USP6NL: variants seen among roughly 807,000 people sequenced by gnomAD.
The protein encoded by USP6NL is USP6 N-terminal like.
USP6NL carries 26 observed loss-of-function variants against 61.9 expected under a neutral mutation model. The ratio of observed to expected loss-of-function variants is 0.42; its 90% CI spans 0.31 to 0.58. The LOEUF (loss-of-function observed/expected upper bound fraction) is 0.58, where lower values mean the gene tolerates loss of function less well. USP6NL is among the 20% of genes least tolerant of loss of function. The probability of loss-of-function intolerance (pLI) is 0.16; values close to 1 mark genes in which losing one functional copy is unlikely to be tolerated. For missense variants in USP6NL, 1,114 were observed against 1,034.3 expected (o/e 1.08, Z -1.06); for synonymous variants, 432 against 390.1 (o/e 1.11, Z -1.27).
intron 1 of USP6NL, among the ~76,000 whole-genome samples, chr10:11,606,006 G>A (rs929340123): frequency 6.6e-6 from 1 of 152,102 alleles, no homozygotes; most frequent in Non-Finnish European, 1.5e-5. Context: ...TCAAGTCACG[G>A]TATCAAAATG....
chr10:11,604,372 GCTGGT>G (rs1325280703), intron 1 of USP6NL, among the ~76,000 whole-genome samples: 6 of 152,146 alleles, frequency 3.9e-5, no homozygotes, highest in African/African-American at 1.4e-4. Context: ...GCTAAAACAA[GCTGGT>G]CTAAAATGTT....
intron 5 of USP6NL, among the ~76,000 whole-genome samples, chr10:11,514,894 A>C (rs780470461): frequency 6.6e-6 from 1 of 152,212 alleles, no homozygotes; most frequent in South Asian, 2.1e-4. Flanking sequence ...TCCCTCTGCT[A>C]TCTCTCCATT....
At chr10:11,502,902 A>C (rs191911348) in intron 6 of USP6NL, among the ~76,000 whole-genome samples, 1 of 152,302 alleles carries the variant, frequency 6.6e-6, no homozygotes. Context: ...GATCACTTTA[A>C]CTGGAGGAAT....
chr10:11,497,366 G>A (rs2034095), intron 7 of USP6NL, among the ~76,000 whole-genome samples: 13,397 of 147,054 alleles, frequency 0.091, 805 homozygotes, highest in Non-Finnish European at 0.13. Flanking sequence ...AGCCAAGATC[G>A]CGCCACTGCA....
At chr10:11,531,049 G>C (rs1268252575) in intron 2 of USP6NL, among the ~76,000 whole-genome samples, 1 of 152,154 alleles carries the variant, frequency 6.6e-6, no homozygotes, top group Non-Finnish European at 1.5e-5. Context: ...CAGCTGTGTT[G>C]GTTGGTACTT....
rs1463912691 is a variant in USP6NL, at chr10:11,592,930, T to C, written c.4+4701A>G. The stretch of plus-strand genomic sequence containing the variant: ...ACACTTAGTCCCCTGCTCCAGTGAA[T>C]GAAGGTCTTTACTCCTATACTATTA... On this transcript the variant is annotated intron_variant, in intron 2 of 14. Coordinates refer to ENST00000609104, the MANE Select transcript of USP6NL (RefSeq NM_014688.5). The surrounding 1 kb of genome is among the most constrained non-coding windows in gnomAD (Gnocchi z 4.7). Among the ~76,000 whole-genome samples, 7 of 152,248 alleles carry C rather than the reference T, an allele frequency of 4.6e-5. No individual in the cohort carries two copies. Among genetic ancestry groups the C allele is most frequent in the Non-Finnish European group, 1.0e-4 (7 of 68,036 alleles).
intron 6 of USP6NL, among the ~76,000 whole-genome samples, chr10:11,502,241 AGAGT>A (rs1253903325): frequency 6.7e-6 from 1 of 150,126 alleles, no homozygotes; most frequent in Admixed American, 6.7e-5. Flanking sequence ...CCTGGGCAAC[AGAGT>A]GAGACTCCAT....
rs1566146108 is a variant in USP6NL at position 11,510,027 on chromosome 10, CTT to C, written c.196-354_196-353del. On this transcript the variant is annotated intron_variant, in intron 5 of 14. Transcript: ENST00000609104. The surrounding 1 kb of genome is among the most constrained non-coding windows in gnomAD (Gnocchi z 4.8). ...AAACACTACTTTGAAATTTAATTCT[CTT>C]CTTTCTTATTTTACTGAATTCTAGT... is the stretch of plus-strand genomic sequence containing the variant. Among the ~76,000 whole-genome samples the C allele has an allele frequency of 6.6e-6, 1 of 151,620 alleles. No homozygotes were observed. Among genetic ancestry groups the C allele is most frequent in the Non-Finnish European group, 1.5e-5 (1 of 67,882 alleles).
chr10:11,521,377 AT>A (rs985770558), intron 4 of USP6NL, among the ~76,000 whole-genome samples: 2,156 of 143,026 alleles, frequency 0.015, 45 homozygotes, highest in Non-Finnish European at 0.017. Context: ...TTATTTATAT[AT>A]TTTTTTTTAA....
At chr10:11,554,370 C>G (rs1232921695) in intron 2 of USP6NL, among the ~76,000 whole-genome samples, 3 of 152,194 alleles carry the variant, frequency 2.0e-5, no homozygotes, top group Non-Finnish European at 2.9e-5. Context: ...TCTGCCCATT[C>G]ACAAGCACCA....
At chr10:11,555,087 G>A (rs1267918869) in intron 2 of USP6NL, among the ~76,000 whole-genome samples, 3 of 123,038 alleles carry the variant, frequency 2.4e-5, no homozygotes, top group African/African-American at 9.6e-5. Flanking sequence ...CACCGCGCCT[G>A]GCCTGTTTTT....
intron 2 of USP6NL, among the ~76,000 whole-genome samples, chr10:11,555,451 TAG>T (rs71477267): frequency 5.6e-4 from 34 of 60,998 alleles, no homozygotes; most frequent in South Asian, 5.0e-3. Flanking sequence ...TATATATATA[TAG>T]AGAGAGAGAG....
chr10:11,583,379 G>A (rs1329812763), intron 2 of USP6NL, among the ~76,000 whole-genome samples: 1 of 151,830 alleles, frequency 6.6e-6, no homozygotes, highest in Admixed American at 6.6e-5. Flanking sequence ...TTTTAGTAGG[G>A]ACGGGGTTTC....
At chr10:11,550,165 G>A (rs1836430068) in intron 2 of USP6NL, among the ~76,000 whole-genome samples, 1 of 152,154 alleles carries the variant, frequency 6.6e-6, no homozygotes, top group Admixed American at 6.5e-5. Flanking sequence ...ATATGAAAGT[G>A]TAAAAACTAT....
Position 11,518,692 on chromosome 10 carries a change from T to C in USP6NL, c.156-118A>G, listed in dbSNP as rs1360488469. ...TTTATTTGTCATCACAAGAGTTACATAGGCTTCCATTCATTGAATTCAATA... is the reference window on the plus strand; with the variant it reads ...TTTATTTGTCATCACAAGAGTTACACAGGCTTCCATTCATTGAATTCAATA... On this transcript the variant is annotated intron_variant, in intron 4 of 14. Coordinates refer to ENST00000609104, the MANE Select transcript of USP6NL (RefSeq NM_014688.5). This position sits in a 1 kb window ranked among gnomAD's most constrained non-coding sequence, Gnocchi z 5.3. The C allele has an allele frequency of 1.9e-5, 14 of 727,436 alleles. No individual in the cohort carries two copies. In the South Asian group the frequency reaches 2.1e-4, roughly 11 times the overall value. 45.1% of individuals were successfully genotyped at this position (727,436 alleles called of 1,614,324 possible).
At chr10:11,566,227 G>C (rs531550913) in intron 2 of USP6NL, among the ~76,000 whole-genome samples, 2 of 152,258 alleles carry the variant, frequency 1.3e-5, no homozygotes, top group South Asian at 4.1e-4. Flanking sequence ...AGAAACATGA[G>C]TCTAAACTGT....
At chr10:11,577,299 C>G (rs1340834166) in intron 2 of USP6NL, among the ~76,000 whole-genome samples, 1 of 152,012 alleles carries the variant, frequency 6.6e-6, no homozygotes, top group Non-Finnish European at 1.5e-5. Context: ...CTCCTGACCT[C>G]GTGATCCACC....
Position 11,513,419 on chromosome 10 carries a change from A to C in USP6NL, c.196-3744T>G, listed in dbSNP as rs1226244417. On this transcript the variant is annotated intron_variant, in intron 5 of 14. Transcript: ENST00000609104. The surrounding 1 kb of genome is among the most constrained non-coding windows in gnomAD (Gnocchi z 4.7). ...CTGCTGATGTTAACAGCCTATATGA[A>C]ACTGATATTAAATAATTCTGTTGGC... Among the ~76,000 whole-genome samples the C allele has an allele frequency of 6.6e-6, 1 of 152,226 alleles. No homozygotes were observed. Among genetic ancestry groups the C allele is most frequent in the Non-Finnish European group, 1.5e-5 (1 of 68,036 alleles).
At chr10:11,563,256 C>CAAGGG (rs1837007999) in intron 2 of USP6NL, 1 of 152,062 alleles carries the variant, frequency 6.6e-6, no homozygotes, top group Non-Finnish European at 1.5e-5. Context: ...AAATTCATTG[C>CAAGGG]AAGGGGTTAG....
Sources: allele counts gnomAD v4.1 joint callset (sites outside exome capture counted in the v4.1 genomes callset), GRCh38; gene constraint gnomAD v4.1.1; non-coding constraint Gnocchi (gnomAD v3.1); transcripts MANE v1.5; gene names NCBI Gene and HGNC (gene_info 2026-07-23, HGNC 2026-07-21).